The following SGCZ variants were observed in gnomAD, a reference collection of about 807,000 sequenced individuals.
The protein encoded by SGCZ is sarcoglycan zeta.
In SGCZ, 40 loss-of-function variants were observed where a neutral mutation model predicts 41.3. The ratio of observed to expected loss-of-function variants is 0.97; its 90% CI spans 0.75 to 1.26. SGCZ has a LOEUF of 1.26. SGCZ is among the 50% of genes most tolerant of loss of function. The probability of loss-of-function intolerance (pLI) is 0.00; values close to 1 mark genes in which losing one functional copy is unlikely to be tolerated. For missense variants in SGCZ, 552 were observed against 369.8 expected (o/e 1.49, Z -4.04); for synonymous variants, 206 against 137.5 (o/e 1.50, Z -3.49).
chr8:15,122,606 C>T (rs189920316), intron 1 of SGCZ, among the ~76,000 whole-genome samples: 36 of 152,212 alleles, frequency 2.4e-4, no homozygotes, highest in Admixed American at 1.8e-3. Context: ...TGGGAAATCA[C>T]GTTAACTGAA....
chr8:14,458,840 A>AAAAC (rs1178699292), intron 2 of SGCZ, among the ~76,000 whole-genome samples: 1 of 152,132 alleles, frequency 6.6e-6, no homozygotes, highest in Non-Finnish European at 1.5e-5. Flanking sequence ...TCTCCAACTC[A>AAAAC]AAACAAACAA....
At chr8:14,108,001 CT>C (rs200249206) in intron 6 of SGCZ, among the ~76,000 whole-genome samples, 161 bp downstream of exon 6, 5 of 151,154 alleles carry the variant, frequency 3.3e-5, no homozygotes, top group Admixed American at 1.3e-4. Flanking sequence ...TTTGCCTTTT[CT>C]TTTTTTTTCC....
At chr8:14,949,009 C>T (rs914314728) in intron 1 of SGCZ, among the ~76,000 whole-genome samples, 2 of 152,002 alleles carry the variant, frequency 1.3e-5, no homozygotes, top group Admixed American at 6.6e-5. Context: ...GGCATATCCA[C>T]AAAGATTCCC....
chr8:14,750,051 C>T (rs758648376), intron 1 of SGCZ, among the ~76,000 whole-genome samples: 2 of 152,084 alleles, frequency 1.3e-5, no homozygotes, highest in Non-Finnish European at 2.9e-5. Context: ...CCATACAAAG[C>T]TGGGGCACCT....
intron 3 of SGCZ, among the ~76,000 whole-genome samples, chr8:14,283,025 A>G (rs1029522210): frequency 7.3e-5 from 11 of 149,866 alleles, no homozygotes; most frequent in Non-Finnish European, 1.3e-4. Context: ...AATTTTTTGT[A>G]TTTTTAGTAG....
intron 1 of SGCZ, among the ~76,000 whole-genome samples, chr8:14,688,678 G>A (rs983684814): frequency 6.6e-6 from 1 of 152,134 alleles, no homozygotes; most frequent in Non-Finnish European, 1.5e-5. Flanking sequence ...GGCAATGCGG[G>A]CTCTTTTTTG....
chr8:14,136,507 C>A (rs192117372), intron 5 of SGCZ, among the ~76,000 whole-genome samples: 193 of 152,306 alleles, frequency 1.3e-3, no homozygotes, highest in African/African-American at 3.9e-3. Context: ...TATCCCACAC[C>A]TGGCTCAGTG....
chr8:15,161,185 C>G (rs1350897086), intron 1 of SGCZ, among the ~76,000 whole-genome samples: 1 of 152,036 alleles, frequency 6.6e-6, no homozygotes, highest in Non-Finnish European at 1.5e-5. Context: ...CTCTTCTGTC[C>G]CTTGAATATA....
chr8:14,432,672 G>C (rs973795688), intron 2 of SGCZ, among the ~76,000 whole-genome samples: 3 of 152,146 alleles, frequency 2.0e-5, no homozygotes, highest in African/African-American at 7.2e-5. Flanking sequence ...CCAGCACTTT[G>C]GGAGGCTGAG....
Position 14,845,904 on chromosome 8 carries a change from T to C in SGCZ, c.40-290978A>G, listed in dbSNP as rs369247430. On this transcript the variant is annotated intron_variant, in intron 1 of 7. Coordinates refer to ENST00000382080, the MANE Select transcript of SGCZ (RefSeq NM_139167.4). ...CAAAGCAAAAATGGCTACATTAATATCAGACGAAGTGGTCCTCAAAGAAGA... is the reference window on the plus strand; with the variant it reads ...CAAAGCAAAAATGGCTACATTAATACCAGACGAAGTGGTCCTCAAAGAAGA... Among the ~76,000 whole-genome samples the C allele has an allele frequency of 9.9e-5, 15 of 152,236 alleles. No homozygotes were observed. In the East Asian group the frequency reaches 2.7e-3, roughly 27 times the overall value.
intron 4 of SGCZ, among the ~76,000 whole-genome samples, chr8:14,231,990 A>G (rs1360540137): frequency 6.6e-6 from 1 of 152,006 alleles, no homozygotes; most frequent in Non-Finnish European, 1.5e-5. Context: ...ATAAACTTAC[A>G]TAGTTTTAAA....
intron 2 of SGCZ, among the ~76,000 whole-genome samples, chr8:14,493,463 G>T (rs938419635): frequency 6.3e-5 from 9 of 142,376 alleles, no homozygotes; most frequent in Non-Finnish European, 9.0e-5. Flanking sequence ...GCCTCCCAGG[G>T]TTCAAGCGAT....
chr8:14,127,068 A>C (rs1350782329), intron 5 of SGCZ, among the ~76,000 whole-genome samples: 1 of 152,076 alleles, frequency 6.6e-6, no homozygotes, highest in East Asian at 1.9e-4. Flanking sequence ...GCAGCAAACC[A>C]CCATGGCTTA....
At chr8:14,721,985 G>A (rs1809901377) in intron 1 of SGCZ, among the ~76,000 whole-genome samples, 1 of 152,008 alleles carries the variant, frequency 6.6e-6, no homozygotes, top group Non-Finnish European at 1.5e-5. Flanking sequence ...CCCTCTCTCA[G>A]GTGTTTCTAT....
In SGCZ at chr8:14,839,603, C is replaced by G. The variant is rs543898402; in HGVS notation, c.40-284677G>C. Among the ~76,000 whole-genome samples, 45 of 152,150 alleles carry G rather than the reference C, an allele frequency of 3.0e-4. No individual in the cohort carries two copies. The South Asian group carries it at 9.3e-3, about 32-fold the overall frequency. On this transcript the variant is annotated intron_variant, in intron 1 of 7. Coordinates refer to ENST00000382080, the MANE Select transcript of SGCZ (RefSeq NM_139167.4). Reference sequence around the variant, plus strand: ...GCAATAAACACTTTTTTTCCACCATCCAATGTTCTAATGAAAGTCTTGAAC... The same window carrying G: ...GCAATAAACACTTTTTTTCCACCATGCAATGTTCTAATGAAAGTCTTGAAC...
intron 2 of SGCZ, among the ~76,000 whole-genome samples, chr8:14,466,709 T>G (rs1342248917): frequency 1.3e-5 from 2 of 151,884 alleles, no homozygotes; most frequent in African/African-American, 2.4e-5. Context: ...TTTGTGGAAT[T>G]TTTTACTCTG....
chr8:14,808,953 C>G (rs1011663623), intron 1 of SGCZ, among the ~76,000 whole-genome samples: 1 of 151,302 alleles, frequency 6.6e-6, no homozygotes, highest in African/African-American at 2.4e-5. Flanking sequence ...AATTGGAAAT[C>G]ATCATTCTCA....
chr8:14,917,692 C>T (rs567171986), intron 1 of SGCZ, among the ~76,000 whole-genome samples: 1 of 152,152 alleles, frequency 6.6e-6, no homozygotes, highest in East Asian at 1.9e-4. Context: ...TCAGGCCACT[C>T]ATAATGGGGC....
At chr8:15,104,148 C>T (rs1320996330) in intron 1 of SGCZ, among the ~76,000 whole-genome samples, 2 of 152,128 alleles carry the variant, frequency 1.3e-5, no homozygotes, top group South Asian at 2.1e-4. Context: ...CTGGATGTGC[C>T]CCCAACTTAT....
Sources: gnomAD v4.1 joint callset for allele counts (sites outside exome capture counted in the v4.1 genomes callset) on GRCh38, gnomAD v4.1.1 for gene constraint, MANE v1.5 for transcripts, NCBI Gene and HGNC (gene_info 2026-07-23, HGNC 2026-07-21) for gene names.